The following EPC2 variants were observed in gnomAD, a reference collection of about 807,000 sequenced individuals.
The protein encoded by EPC2 is enhancer of polycomb 2, also known as enhancer of polycomb homolog 2.
In EPC2, 14 loss-of-function variants were observed where a neutral mutation model predicts 92.1. That is an observed-to-expected ratio of 0.15 (90% CI 0.10 to 0.24). The LOEUF (loss-of-function observed/expected upper bound fraction) is 0.24. Ranked by LOEUF, EPC2 falls within the 10% of genes least tolerant of loss-of-function variation. The pLI, the probability that EPC2 is intolerant of heterozygous loss-of-function variation, is 1.00. For missense variants in EPC2, 755 were observed against 971.5 expected (o/e 0.78, Z 2.96); for synonymous variants, 340 against 334.7 (o/e 1.02, Z -0.17).
chr2:148,766,064 T>C (rs1683402512), intron 7 of EPC2, among the ~76,000 whole-genome samples: 3 of 152,030 alleles, frequency 2.0e-5, no homozygotes, highest in Non-Finnish European at 2.9e-5. Flanking sequence ...AAAAAAAAGA[T>C]CCATTTTTTT....
chr2:148,753,838 C>A, intron 3 of EPC2, 89 bp from the exon 4 acceptor site: 1 of 1,031,306 alleles, frequency 9.7e-7, no homozygotes, highest in Non-Finnish European at 1.4e-6. Flanking sequence ...GTTATTGAAA[C>A]TGGTCGCATT....
chr2:148,764,907 A>C, intron 6 of EPC2, 48 bp from the exon 7 acceptor site: 2 of 1,316,320 alleles, frequency 1.5e-6, no homozygotes, highest in Non-Finnish European at 2.0e-6. Context: ...TGATTTCTAA[A>C]ATGATTTTTA....
At chr2:148,703,236 T>C (rs1185387442) in intron 2 of EPC2, among the ~76,000 whole-genome samples, 3 of 152,206 alleles carry the variant, frequency 2.0e-5, no homozygotes, top group African/African-American at 7.2e-5. Context: ...TATTAGCCAT[T>C]AATCCTTACT....
chr2:148,751,503 A>G (rs1683082139), intron 3 of EPC2, among the ~76,000 whole-genome samples: 1 of 152,108 alleles, frequency 6.6e-6, no homozygotes, highest in African/African-American at 2.4e-5. Context: ...TTACGTGCTA[A>G]ATGATGGAAC....
At chr2:148,685,052 A>G (rs146905771) in intron 1 of EPC2, among the ~76,000 whole-genome samples, 1 of 152,202 alleles carries the variant, frequency 6.6e-6, no homozygotes, top group East Asian at 1.9e-4. Flanking sequence ...TTGCCTATTT[A>G]TATCTTTTAC....
chr2:148,646,099 C>T (rs1004264099), intron 1 of EPC2, among the ~76,000 whole-genome samples: 11 of 152,184 alleles, frequency 7.2e-5, no homozygotes, highest in Admixed American at 3.9e-4. Context: ...AGTGGTGTTA[C>T]TTGCGTGCGA....
chr2:148,760,268 A>C (rs1558832360), intron 4 of EPC2, among the ~76,000 whole-genome samples: 1 of 151,970 alleles, frequency 6.6e-6, no homozygotes, highest in African/African-American at 2.4e-5. Flanking sequence ...CATACACACA[A>C]ACACACACAC....
intron 2 of EPC2, among the ~76,000 whole-genome samples, chr2:148,690,840 T>A (rs563601286): frequency 1.3e-5 from 2 of 152,148 alleles, no homozygotes; most frequent in Non-Finnish European, 2.9e-5. Context: ...TGTTTGTATT[T>A]TTAGTAGAGA....
chr2:148,740,342 G>A (rs541148837), intron 2 of EPC2, among the ~76,000 whole-genome samples: 93 of 151,754 alleles, frequency 6.1e-4, no homozygotes, highest in Middle Eastern at 3.4e-3. Context: ...AGAACCTGAG[G>A]TAAAGAGAGG....
intron 1 of EPC2, among the ~76,000 whole-genome samples, chr2:148,651,196 T>C (rs1231904711): frequency 6.6e-6 from 1 of 152,182 alleles, no homozygotes; most frequent in African/African-American, 2.4e-5. Context: ...TATTTGAGCA[T>C]AAGAATATCT....
chr2:148,760,676 A>T (rs573972478), intron 4 of EPC2, among the ~76,000 whole-genome samples: 1 of 152,372 alleles, frequency 6.6e-6, no homozygotes, highest in Admixed American at 6.5e-5. Flanking sequence ...ACACAAAAGG[A>T]TGACTTATTT....
intron 3 of EPC2, among the ~76,000 whole-genome samples, chr2:148,748,397 T>C (rs1420638346): frequency 6.6e-6 from 1 of 152,100 alleles, no homozygotes; most frequent in Non-Finnish European, 1.5e-5. Flanking sequence ...TCTTTCTTAA[T>C]TAATGATATC....
At chr2:148,775,638 TTAAA>T (rs1252257606) in intron 10 of EPC2, among the ~76,000 whole-genome samples, 2 of 4,444 alleles carry the variant, frequency 4.5e-4, no homozygotes, top group African/African-American at 9.8e-4. Context: ...ATATCTTTAA[TTAAA>T]TAAAATCTTT....
chr2:148,770,884 A>T lies in EPC2; in HGVS notation c.1323A>T (p.Thr441=), dbSNP rs768361024. The part of the protein sequence containing the change: ...LRYRHCLTTL[T]VPRRCIGFAR... ...ATAGGCATTGCCTTACAACACTTAC[A>T]GTCCCAAGAAGATGTATAGGATTTG... The change falls in exon 9 of 14, where the codon ACA becomes ACT. Residue 441 remains threonine (T), a synonymous_variant. Transcript: ENST00000258484. 2 of 1,613,740 alleles carry T rather than the reference A, an allele frequency of 1.2e-6. No homozygotes were observed. The highest frequency in any genetic ancestry group is 2.2e-5 in the South Asian group (2 of 90,928).
At chr2:148,741,742 T>C (rs767651410) in intron 2 of EPC2, among the ~76,000 whole-genome samples, 5 of 152,226 alleles carry the variant, frequency 3.3e-5, no homozygotes, top group Non-Finnish European at 4.4e-5. Flanking sequence ...TGTGGCACTT[T>C]AGTTTTTTTA....
intron 4 of EPC2, among the ~76,000 whole-genome samples, chr2:148,760,043 G>T (rs1410065481): frequency 6.6e-6 from 1 of 152,144 alleles, no homozygotes; most frequent in Non-Finnish European, 1.5e-5. Flanking sequence ...AGGAGTTTGA[G>T]ACCAGCCTGC....
intron 3 of EPC2, among the ~76,000 whole-genome samples, chr2:148,747,437 A>G (rs1482771803): frequency 6.6e-6 from 1 of 151,982 alleles, no homozygotes; most frequent in East Asian, 1.9e-4. Flanking sequence ...TTCTGCCCCA[A>G]AAGGTGCCCA....
Position 148,782,488 on chromosome 2 carries a change from G to GGACT in EPC2, c.1857+708_1857+709insGACT, listed in dbSNP as rs199676041. ...GAAGGTGGAGGTTTCAGTGAGCTAA[G>GGACT]ATCGCACCACTGCACTCCAGCCTGG... On this transcript the variant is annotated intron_variant, in intron 11 of 13. Coordinates refer to ENST00000258484, the MANE Select transcript of EPC2 (RefSeq NM_015630.4). 7.0e-3 allele frequency among the ~76,000 whole-genome samples: 1,067 copies of GGACT among 151,880 alleles called. 5 individuals are homozygous for GGACT. The highest frequency in any genetic ancestry group is 0.024 in the African/African-American group (1,002 of 41,422).
At chr2:148,666,421 G>A (rs1293992763) in intron 1 of EPC2, among the ~76,000 whole-genome samples, 1 of 152,110 alleles carries the variant, frequency 6.6e-6, no homozygotes, top group Admixed American at 6.5e-5. Flanking sequence ...CGGGATTACG[G>A]GCATGGGCCA....
Sources: allele counts gnomAD v4.1 joint callset (sites outside exome capture counted in the v4.1 genomes callset), GRCh38; gene constraint gnomAD v4.1.1; transcripts MANE v1.5; gene names NCBI Gene and HGNC (gene_info 2026-07-23, HGNC 2026-07-21).